The following CD163L1 variants were observed in gnomAD, a reference collection of about 807,000 sequenced individuals.
CD163L1 encodes the protein CD163 molecule like 1.
A neutral mutation model predicts 165.4 loss-of-function variants in CD163L1; 124 were observed. The ratio of observed to expected loss-of-function variants is 0.75; its 90% CI spans 0.65 to 0.87. The LOEUF (loss-of-function observed/expected upper bound fraction) is 0.87, where lower values mean the gene tolerates loss of function less well. Ranked by LOEUF, CD163L1 falls within the 40% of genes least tolerant of loss-of-function variation. The pLI is 0.00. For missense variants in CD163L1, 1,525 were observed against 1,799.9 expected (o/e 0.85, Z 2.76); for synonymous variants, 585 against 662.2 (o/e 0.88, Z 1.79).
At chr12:7,332,837 T>C in the CD163L1 span, among the ~76,000 whole-genome samples, 1 of 152,058 alleles carries the variant, frequency 6.6e-6, no homozygotes, top group South Asian at 2.1e-4. Flanking sequence ...ACATGCCAAA[T>C]TGTAAAGACC....
the CD163L1 span, chr12:7,324,450 A>G: frequency 1.9e-6 from 3 of 1,613,862 alleles, no homozygotes; most frequent in Non-Finnish European, 1.7e-6. Flanking sequence ...AGGGAGGGAG[A>G]TCTCTAACTT....
intron 18 of CD163L1, among the ~76,000 whole-genome samples, chr12:7,357,931 C>G (rs1189706195): frequency 6.6e-6 from 1 of 152,048 alleles, no homozygotes; most frequent in Non-Finnish European, 1.5e-5. Flanking sequence ...AACTAAATTT[C>G]AAGAAGGTTG....
chr12:7,402,114 G>A (rs1947925867), intron 6 of CD163L1, among the ~76,000 whole-genome samples: 1 of 151,748 alleles, frequency 6.6e-6, no homozygotes, highest in Non-Finnish European at 1.5e-5. Context: ...TATGTAAGGT[G>A]TACATTCAAG....
chr12:7,366,020 T>A (rs1279968284), intron 18 of CD163L1, among the ~76,000 whole-genome samples: 1 of 152,070 alleles, frequency 6.6e-6, no homozygotes, highest in African/African-American at 2.4e-5. Flanking sequence ...TGTCCCTTGA[T>A]GAATGAATGG....
intron 4 of CD163L1, among the ~76,000 whole-genome samples, chr12:7,410,920 G>T (rs1186078268): frequency 6.7e-6 from 1 of 149,948 alleles, no homozygotes; most frequent in African/African-American, 2.4e-5. Context: ...TTCAAATATA[G>T]CCAAAATTCA....
intron 2 of CD163L1, chr12:7,439,471 G>C: frequency 6.3e-7 from 1 of 1,583,486 alleles, no homozygotes; most frequent in Admixed American, 2.0e-5. Context: ...CCCGGCCTTT[G>C]CTTTTTTCTT....
Position 7,421,576 on chromosome 12 carries a change from T to TATAC in CD163L1, c.766+10839_766+10840insGTAT, listed in dbSNP as rs1491391164. 1.3e-3 allele frequency among the ~76,000 whole-genome samples: 132 copies of TATAC among 101,848 alleles called. 11 individuals carry two copies. Among genetic ancestry groups the TATAC allele is most frequent in the African/African-American group, 3.4e-3 (87 of 25,510 alleles). 66.8% of individuals were successfully genotyped at this position (101,848 alleles called of 152,430 possible). The stretch of plus-strand genomic sequence containing the variant: ...ATATACATATATGTACATATATACA[T>TATAC]GTACATATATACATATACATATATG... On this transcript the variant is annotated intron_variant, in intron 4 of 19. Coordinates refer to ENST00000313599, the MANE Select transcript of CD163L1 (RefSeq NM_174941.6).
chr12:7,439,773 AC>A (rs1948789133), intron 2 of CD163L1: 2 of 1,612,928 alleles, frequency 1.2e-6, no homozygotes, highest in South Asian at 1.1e-5. Context: ...AAAGAATTTC[AC>A]CCCCCTCGAT....
downstream of CD163L1, among the ~76,000 whole-genome samples, chr12:7,351,419 C>T (rs933283725): frequency 1.3e-5 from 2 of 152,112 alleles, no homozygotes; most frequent in Admixed American, 6.6e-5. Context: ...GGCTTTCTTT[C>T]TGGCTTGCAG....
Position 7,374,720 on chromosome 12 carries a change from C to A in CD163L1, c.3131G>T (p.Arg1044Leu). 6.2e-7 allele frequency: 1 copy of A among 1,613,940 alleles called. No homozygotes were observed. Among genetic ancestry groups the A allele is most frequent in the Non-Finnish European group, 8.5e-7 (1 of 1,179,878 alleles). ...KRLRLVDGDS[R>L]CAGRVEIYHD... is the part of the protein sequence containing the mutation. The stretch of plus-strand genomic sequence containing the variant: ...ATAGATCTCTACTCTCCCGGCACAG[C>A]GGCTGTCCCCATCCACTAGGCGGAG... Residue 1044 changes from arginine to leucine, a missense_variant, in exon 13 of 20, where the codon CGC (arginine) becomes CTC (leucine). Transcript: ENST00000313599. The surrounding 1 kb of genome is among the most constrained non-coding windows in gnomAD (Gnocchi z 5.4).
chr12:7,389,960 T>TTTATA (rs112087077), intron 8 of CD163L1, among the ~76,000 whole-genome samples: 1 of 135,964 alleles, frequency 7.4e-6, no homozygotes, highest in Non-Finnish European at 1.6e-5. Context: ...ATATATATAT[T>TTTATA]TATATATATA....
chr12:7,381,134 CTA>C (rs1947399051), intron 8 of CD163L1, among the ~76,000 whole-genome samples: 1 of 152,064 alleles, frequency 6.6e-6, no homozygotes, highest in South Asian at 2.1e-4. Context: ...TGATATCATA[CTA>C]TTTTTCTACT....
At chr12:7,439,188 T>A in intron 2 of CD163L1, 1 of 1,577,392 alleles carries the variant, frequency 6.3e-7, no homozygotes, top group Non-Finnish European at 8.6e-7. Flanking sequence ...GGGGAATCAT[T>A]AAGTACACTT....
rs1451731959 is a variant in CD163L1, at chr12:7,378,245, G to A, written c.2371+733C>T. Among the ~76,000 whole-genome samples, 4 of 152,098 alleles carry A rather than the reference G, an allele frequency of 2.6e-5. No homozygotes were observed. In the East Asian group the frequency reaches 7.7e-4, roughly 29 times the overall value. On this transcript the variant is annotated intron_variant, in intron 9 of 19. Coordinates refer to ENST00000313599, the MANE Select transcript of CD163L1 (RefSeq NM_174941.6). Reference sequence around the variant, plus strand: ...GGAAGCTTTTCACCAGCTCCACAGTGAGCATCCTAATCAAAATTCCGTATC... The same window carrying A: ...GGAAGCTTTTCACCAGCTCCACAGTAAGCATCCTAATCAAAATTCCGTATC...
rs750665524 is a variant in CD163L1, at chr12:7,369,692, T to C, written c.3731-27A>G. ...TACAAAGGCACAAAACATGGCTGTC[T>C]TTACTCCTGAAGGAGGTTGTGGGAG... is the stretch of plus-strand genomic sequence containing the variant. On this transcript the variant is annotated intron_variant, in intron 14 of 19. Transcript: ENST00000313599. The surrounding 1 kb of genome is among the most constrained non-coding windows in gnomAD (Gnocchi z 4.9). 6.3e-7 allele frequency: 1 copy of C among 1,591,702 alleles called. No homozygotes were observed. The highest frequency in any genetic ancestry group is 1.3e-5 in the African/African-American group (1 of 74,496).
the CD163L1 span, among the ~76,000 whole-genome samples, chr12:7,330,743 T>C: frequency 1.2e-4 from 18 of 152,246 alleles, no homozygotes; most frequent in African/African-American, 4.3e-4. Context: ...TTGAGAGTTG[T>C]ACCCTTCATG....
the CD163L1 span, chr12:7,328,232 G>A: frequency 2.2e-3 from 3,043 of 1,374,252 alleles, 8 homozygotes; most frequent in Non-Finnish European, 2.9e-3. Context: ...CCTATCGCAC[G>A]GACAATTGGA....
At chr12:7,354,123 G>A (rs1338845051), downstream of CD163L1, among the ~76,000 whole-genome samples, 1 of 152,012 alleles carries the variant, frequency 6.6e-6, no homozygotes, top group Non-Finnish European at 1.5e-5. Context: ...CCAACTCTTT[G>A]AGAGCAGAGA....
At position 7,396,366 on chromosome 12, in the gene CD163L1, C is replaced by G. The variant is rs772137332; in HGVS notation, c.1779G>C (p.Ser593=). 1.2e-6 allele frequency: 2 copies of G among 1,611,942 alleles called. No individual in the cohort carries two copies. Among genetic ancestry groups the G allele is most frequent in the Non-Finnish European group, 1.7e-6 (2 of 1,178,270 alleles). The change falls in exon 8 of 20, where the codon TCG becomes TCC. Residue 593 remains serine (S), a synonymous_variant. Coordinates refer to ENST00000313599, the MANE Select transcript of CD163L1 (RefSeq NM_174941.6). ...CTTGAAAGTACACCTCCAGTCTTCC[C>G]GAGCAGCGGTTGCTGCCGCCCACCA... ...LRLVGGSNRC[S]GRLEVYFQGR... is the part of the protein sequence containing the mutation.
Sources: allele counts gnomAD v4.1 joint callset (sites outside exome capture counted in the v4.1 genomes callset), GRCh38; gene constraint gnomAD v4.1.1; non-coding constraint Gnocchi (gnomAD v3.1); transcripts MANE v1.5; gene names NCBI Gene and HGNC (gene_info 2026-07-23, HGNC 2026-07-21).